Variants in CHODL observed in about 807,000 individuals in gnomAD.
CHODL encodes chondrolectin, also known as transmembrane protein MT75.
In CHODL, 29 loss-of-function variants were observed where a neutral mutation model predicts 34.5. The observed-to-expected ratio is 0.84, with a 90% CI of 0.63 to 1.15. CHODL has a LOEUF of 1.15. Among genes scored for constraint, CHODL ranks in the 50% most tolerant of loss-of-function variants. CHODL has a pLI of 0.00. For synonymous variants in CHODL, 125 were observed against 116.1 expected (o/e 1.08, Z -0.49); for missense variants, 332 against 332.5 (o/e 1.00, Z 0.01).
chr21:18,053,937 TTATA>T (rs71998171), intron 2 of CHODL, among the ~76,000 whole-genome samples: 36 of 151,536 alleles, frequency 2.4e-4, no homozygotes, highest in African/African-American at 8.7e-4. Flanking sequence ...TGTGTATAAT[TTATA>T]TATATCACAT....
intron 1 of CHODL, among the ~76,000 whole-genome samples, chr21:17,994,595 A>T (rs2063830105): frequency 6.6e-6 from 1 of 152,130 alleles, no homozygotes; most frequent in Admixed American, 6.5e-5. Context: ...TCTAATTTCC[A>T]GGCCCGTGGA....
intron 2 of CHODL, among the ~76,000 whole-genome samples, chr21:18,148,996 TG>T (rs2072933037): frequency 6.6e-6 from 1 of 152,146 alleles, no homozygotes; most frequent in African/African-American, 2.4e-5. Context: ...CCTTAAGAAC[TG>T]GCCTTCCTGC....
Position 18,147,224 on chromosome 21 carries a change from G to A in CHODL, c.-44-109285G>A, listed in dbSNP as rs559612383. Among the ~76,000 whole-genome samples, 19 of 152,306 alleles carry A rather than the reference G, an allele frequency of 1.2e-4. 1 individual carries two copies. In the South Asian group the frequency reaches 3.7e-3, roughly 30 times the overall value. On this transcript the variant is annotated intron_variant, in intron 2 of 6. Transcript: ENST00000400127. ...CACTTGGTTAGTAATGTTCTGGTTTGGTTATGTGTGTACAGAGAAGAGGAA... is the reference window on the plus strand; with the variant it reads ...CACTTGGTTAGTAATGTTCTGGTTTAGTTATGTGTGTACAGAGAAGAGGAA...
chr21:18,035,358 C>T (rs935046275), intron 2 of CHODL, among the ~76,000 whole-genome samples: 2 of 151,912 alleles, frequency 1.3e-5, no homozygotes, highest in African/African-American at 4.8e-5. Flanking sequence ...TTTCCCTGCA[C>T]ATAGTGTTTT....
chr21:18,168,164 G>A (rs974396418), intron 2 of CHODL, among the ~76,000 whole-genome samples: 1 of 152,142 alleles, frequency 6.6e-6, no homozygotes, highest in African/African-American at 2.4e-5. Flanking sequence ...CTGCCCTGTT[G>A]GCTTCACTAC....
rs574112953 is a variant in CHODL, at chr21:18,132,560, A to G, written c.-45+104589A>G. Among the ~76,000 whole-genome samples the G allele has an allele frequency of 1.4e-3, 220 of 152,246 alleles. 1 individual carries two copies. Among genetic ancestry groups the G allele is most frequent in the African/African-American group, 5.1e-3 (210 of 41,556 alleles). ...TACCGTATGCCAGGAACAAGTTTCT[A>G]TTATAGATCTGAATTTGTCCTCCCT... On this transcript the variant is annotated intron_variant, in intron 2 of 6. Coordinates refer to the CHODL transcript ENST00000400127.
At chr21:17,935,767 A>T (rs934192801) in intron 1 of CHODL, among the ~76,000 whole-genome samples, 2 of 152,222 alleles carry the variant, frequency 1.3e-5, no homozygotes, top group African/African-American at 4.8e-5. Flanking sequence ...TTTGGAATAT[A>T]TGCAGAGAAA....
At chr21:17,999,052 C>G (rs1381222833) in intron 1 of CHODL, among the ~76,000 whole-genome samples, 1 of 152,148 alleles carries the variant, frequency 6.6e-6, no homozygotes, top group African/African-American at 2.4e-5. Flanking sequence ...ATGCTTTTGA[C>G]AGCACCCAAG....
At chr21:17,991,491 A>G (rs2063796280) in intron 1 of CHODL, among the ~76,000 whole-genome samples, 1 of 152,068 alleles carries the variant, frequency 6.6e-6, no homozygotes, top group African/African-American at 2.4e-5. Context: ...TTTTGATAGT[A>G]GCCATGCCAA....
intron 2 of CHODL, among the ~76,000 whole-genome samples, chr21:18,189,529 G>T (rs2073485845): frequency 1.3e-5 from 2 of 151,820 alleles, no homozygotes; most frequent in African/African-American, 4.8e-5. Context: ...GAGCTGAATT[G>T]CATGGGAGGG....
chr21:18,108,023 C>G (rs1211305090), intron 2 of CHODL, among the ~76,000 whole-genome samples: 1 of 152,186 alleles, frequency 6.6e-6, no homozygotes, highest in Non-Finnish European at 1.5e-5. Context: ...TTTGCTTGCC[C>G]TGTCTTTCAT....
chr21:17,975,269 C>G (rs1415768912), intron 1 of CHODL, among the ~76,000 whole-genome samples: 2 of 151,974 alleles, frequency 1.3e-5, no homozygotes, highest in African/African-American at 4.8e-5. Flanking sequence ...ACACTGAGTA[C>G]ATATGGACAC....
intron 2 of CHODL, among the ~76,000 whole-genome samples, chr21:18,228,294 T>A (rs78247221): frequency 0.068 from 10,390 of 152,222 alleles, 431 homozygotes; most frequent in African/African-American, 0.11. Context: ...TCTGGACAAG[T>A]AGTCATTAGG....
intron 2 of CHODL, among the ~76,000 whole-genome samples, chr21:18,061,638 T>C (rs1600952334): frequency 6.6e-6 from 1 of 152,112 alleles, no homozygotes; most frequent in Non-Finnish European, 1.5e-5. Flanking sequence ...GCCCAAACAA[T>C]TGCACTTGTC....
At chr21:18,092,056 A>G (rs1188959401) in intron 2 of CHODL, among the ~76,000 whole-genome samples, 2 of 152,202 alleles carry the variant, frequency 1.3e-5, no homozygotes, top group African/African-American at 4.8e-5. Flanking sequence ...GCCTTGGGCA[A>G]GGTCCAGTGC....
chr21:18,138,237 T>C (rs2072758202), intron 2 of CHODL, among the ~76,000 whole-genome samples: 1 of 152,116 alleles, frequency 6.6e-6, no homozygotes, highest in Non-Finnish European at 1.5e-5. Flanking sequence ...ATTTATTTCA[T>C]ATCATTATAT....
chr21:17,943,200 A>G (rs1388842398), intron 1 of CHODL, among the ~76,000 whole-genome samples: 1 of 152,228 alleles, frequency 6.6e-6, no homozygotes, highest in Non-Finnish European at 1.5e-5. Flanking sequence ...AGATTATTCT[A>G]GGTAATATAA....
At chr21:17,978,445 G>A (rs1251872515) in intron 1 of CHODL, among the ~76,000 whole-genome samples, 30 of 150,690 alleles carry the variant, frequency 2.0e-4, no homozygotes, top group African/African-American at 2.9e-4. Context: ...AAGGCCGGGC[G>A]CGGTGGCGCA....
At chr21:18,158,452 T>C (rs971350748) in intron 2 of CHODL, among the ~76,000 whole-genome samples, 1 of 152,158 alleles carries the variant, frequency 6.6e-6, no homozygotes, top group African/African-American at 2.4e-5. Flanking sequence ...CAGACCTTCA[T>C]GTTAATTAGC....
Sources: allele counts gnomAD v4.1 joint callset (sites outside exome capture counted in the v4.1 genomes callset), GRCh38; gene constraint gnomAD v4.1.1; transcripts MANE v1.5; gene names NCBI Gene and HGNC (gene_info 2026-07-23, HGNC 2026-07-21).